The following AP3S2 variants were observed in gnomAD, a reference collection of about 807,000 sequenced individuals.
AP3S2 encodes the protein AP-3 complex subunit sigma-2.
Under a neutral mutation model 23.4 loss-of-function variants are expected in AP3S2, and 22 were observed. The ratio of observed to expected loss-of-function variants is 0.94; its 90% CI spans 0.67 to 1.34. The LOEUF is 1.34. AP3S2 is among the 40% of genes most tolerant of loss of function. The pLI is 0.00. For missense variants in AP3S2, 241 were observed against 236.9 expected, an observed-to-expected ratio of 1.02 and a Z score of -0.11; for synonymous variants, 86 against 87.1, an observed-to-expected ratio of 0.99 and a Z score of 0.07.
At chr15:89,890,110 G>C (rs1896786491) in intron 1 of AP3S2, among the ~76,000 whole-genome samples, 1 of 151,728 alleles carries the variant, frequency 6.6e-6, no homozygotes, top group East Asian at 1.9e-4. Context: ...CCAGGCAGTG[G>C]TGTGATCACA....
intron 4 of AP3S2, chr15:89,852,795 A>T (rs1452690357): frequency 6.6e-6 from 1 of 152,388 alleles, no homozygotes; most frequent in Non-Finnish European, 1.5e-5. Flanking sequence ...CCCATGGAAC[A>T]GCCCTGTGCC....
In AP3S2 at chr15:89,837,600, C is replaced by T. The variant is rs1895224678; in HGVS notation, c.453+15G>A. Reference sequence around the variant, plus strand: ...TCTCTACCCAGCCAGGGCTAGAGCACAGCTGCTTACTCACCTCGGATTTCT... The same window carrying T: ...TCTCTACCCAGCCAGGGCTAGAGCATAGCTGCTTACTCACCTCGGATTTCT... On this transcript the variant is annotated intron_variant, in intron 5 of 5. Coordinates refer to ENST00000336418, the MANE Select transcript of AP3S2 (RefSeq NM_005829.5). 6.2e-7 allele frequency: 1 copy of T among 1,614,056 alleles called. No individual in the cohort carries two copies.
intron 4 of AP3S2, among the ~76,000 whole-genome samples, chr15:89,861,431 C>T (rs1896007448): frequency 6.6e-6 from 1 of 152,156 alleles, no homozygotes; most frequent in African/African-American, 2.4e-5. Context: ...ACTGGTAGAT[C>T]AGAATGTTAG....
intron 3 of AP3S2, among the ~76,000 whole-genome samples, chr15:89,881,116 A>T (rs182606236): frequency 6.2e-4 from 94 of 152,354 alleles, no homozygotes; most frequent in African/African-American, 2.1e-3. Context: ...AGAGTATTCC[A>T]GGGGACAGAA....
chr15:89,878,382 G>GA (rs1226111782), intron 3 of AP3S2: 2 of 568,866 alleles, frequency 3.5e-6, no homozygotes, highest in Non-Finnish European at 6.2e-6. Context: ...ATACAATTAG[G>GA]AAAAAATCTA....
At chr15:89,883,661 G>A (rs1896625392) in intron 3 of AP3S2, among the ~76,000 whole-genome samples, 1 of 152,144 alleles carries the variant, frequency 6.6e-6, no homozygotes, top group Non-Finnish European at 1.5e-5. Context: ...CTATAGGTAT[G>A]AGCCACTGCA....
Position 89,833,118 on chromosome 15 carries a change from A to T in AP3S2, c.*2397T>A, listed in dbSNP as rs1425499737. On this transcript the variant is annotated 3_prime_UTR_variant, in exon 6 of 6. Coordinates refer to ENST00000336418, the MANE Select transcript of AP3S2 (RefSeq NM_005829.5). ...CCTGCAGTAATGCATTAAACCACGTAACAAACGAACTCAAGAAGAGGGATG... is the reference window on the plus strand; with the variant it reads ...CCTGCAGTAATGCATTAAACCACGTTACAAACGAACTCAAGAAGAGGGATG... 6.6e-6 allele frequency: 1 copy of T among 152,244 alleles called. No individual in the cohort carries two copies. Among genetic ancestry groups the T allele is most frequent in the Non-Finnish European group, 1.5e-5 (1 of 68,038 alleles). The allele number at this position is 152,244 out of a possible 1,614,324, so 9.4% of individuals were successfully genotyped here. A position where few individuals can be genotyped will look rare whatever the true frequency, so the allele number is the denominator to read the frequency against.
intron 4 of AP3S2, among the ~76,000 whole-genome samples, chr15:89,868,350 A>G (rs1457036849): frequency 2.1e-5 from 2 of 95,178 alleles, no homozygotes; most frequent in African/African-American, 4.1e-5. Flanking sequence ...TGGAGGGGTC[A>G]GCCCCCCGCC....
intron 3 of AP3S2, among the ~76,000 whole-genome samples, chr15:89,873,963 C>A (rs1218500037): frequency 6.8e-6 from 1 of 146,554 alleles, no homozygotes; most frequent in East Asian, 2.1e-4. Context: ...ACACTGCAGC[C>A]TCAGCCTCCC....
At chr15:89,887,964 C>A (rs913789169) in intron 3 of AP3S2, among the ~76,000 whole-genome samples, 1 of 152,166 alleles carries the variant, frequency 6.6e-6, no homozygotes, top group South Asian at 2.1e-4. Context: ...AGCCTATAAG[C>A]CCATAGGTGG....
At chr15:89,837,505 G>C (rs1275731769) in intron 5 of AP3S2, 110 bp downstream of exon 5, 4 of 1,231,548 alleles carry the variant, frequency 3.2e-6, no homozygotes, top group Non-Finnish European at 4.6e-6. Context: ...AAGAAGATGA[G>C]TATCATTTCC....
chr15:89,877,165 G>A, intron 3 of AP3S2: 1 of 443,534 alleles, frequency 2.3e-6, no homozygotes, highest in South Asian at 1.8e-5. Context: ...AGAAGACTTT[G>A]AAGCAATAGG....
intron 4 of AP3S2, among the ~76,000 whole-genome samples, chr15:89,842,164 T>A (rs146339986): frequency 0.034 from 5,059 of 148,550 alleles, 142 homozygotes; most frequent in Non-Finnish European, 0.051. Context: ...GAGAAGAAAC[T>A]GCTAAAAACA....
intron 3 of AP3S2, among the ~76,000 whole-genome samples, chr15:89,877,638 C>T (rs1235329461): frequency 1.3e-5 from 2 of 152,040 alleles, no homozygotes; most frequent in South Asian, 4.2e-4. Context: ...CACTTGAGGC[C>T]AGGAGTTTAA....
Position 89,890,414 on chromosome 15 carries a change from C to T in AP3S2, c.70-1274G>A, listed in dbSNP as rs559579528. Among the ~76,000 whole-genome samples, 3 of 152,238 alleles carry T rather than the reference C, an allele frequency of 2.0e-5. No homozygotes were observed. The South Asian group carries it at 6.2e-4, about 32-fold the overall frequency. On this transcript the variant is annotated intron_variant, in intron 1 of 5. Transcript: ENST00000336418. ...CTGATGAAATCACTTTGATAACTCA[C>T]CTTTGATTTCTAATTATACATATGA...
In AP3S2 at chr15:89,835,656, G is replaced by A. The variant is rs1895171495; in HGVS notation, c.454-13C>T. 8 of 1,560,084 alleles carry A rather than the reference G, an allele frequency of 5.1e-6. No individual in the cohort carries two copies. Among genetic ancestry groups the A allele is most frequent in the Middle Eastern group, 2.0e-4 (1 of 4,962 alleles). ...CTGAAAGGCCACCCTAAGAAGAAAT[G>A]AGAGGCGAGTATGAGACAAATTCTC... On this transcript the variant is annotated splice_polypyrimidine_tract_variant and intron_variant, in intron 5 of 5. Transcript: ENST00000336418.
chr15:89,871,190 T>C (rs548500968), intron 4 of AP3S2, among the ~76,000 whole-genome samples: 1 of 152,328 alleles, frequency 6.6e-6, no homozygotes, highest in African/African-American at 2.4e-5. Flanking sequence ...TTTGGCCAAG[T>C]AGCCAGTGAC....
At chr15:89,845,805 C>G (rs969192843) in intron 4 of AP3S2, 1 of 152,210 alleles carries the variant, frequency 6.6e-6, no homozygotes, top group African/African-American at 2.4e-5. Flanking sequence ...CAGCTTCACA[C>G]AGTGTGCATT....
At chr15:89,884,351 G>A (rs1211496949) in intron 3 of AP3S2, among the ~76,000 whole-genome samples, 1 of 151,902 alleles carries the variant, frequency 6.6e-6, no homozygotes, top group African/African-American at 2.4e-5. Context: ...TTAATAGTAT[G>A]CAGTTTTCCT....
Sources: allele counts gnomAD v4.1 joint callset (sites outside exome capture counted in the v4.1 genomes callset), GRCh38; gene constraint gnomAD v4.1.1; transcripts MANE v1.5; gene names NCBI Gene and HGNC (gene_info 2026-07-23, HGNC 2026-07-21).